The following TPRG1 variants were observed in gnomAD, a reference collection of about 807,000 sequenced individuals.
TPRG1 encodes the protein tumor protein p63 regulated 1.
In TPRG1, 29 loss-of-function variants were observed where a neutral mutation model predicts 29.3. The observed-to-expected ratio is 0.99, with a 90% confidence interval of 0.74 to 1.35. TPRG1 has a LOEUF of 1.35. Among genes scored for constraint, TPRG1 ranks in the 40% most tolerant of loss-of-function variants. The probability of loss-of-function intolerance (pLI) is 0.00; values close to 1 mark genes in which losing one functional copy is unlikely to be tolerated. For missense variants in TPRG1, 327 were observed against 335.0 expected (o/e 0.98, Z 0.19); for synonymous variants, 130 against 116.8 (o/e 1.11, Z -0.73).
In TPRG1 at chr3:189,070,778, A is replaced by G. The variant is rs556963430; in HGVS notation, c.-463+46832A>G. Among the ~76,000 whole-genome samples the G allele has an allele frequency of 8.7e-4, 132 of 152,106 alleles. No individual in the cohort carries two copies. The Middle Eastern group carries it at 0.024, about 27-fold the overall frequency. ...GAAAAGGAGATATTCCAACCAATCT[A>G]AAGTTAGTAGGAGCAAAGGCAATTA... On this transcript the variant is annotated intron_variant, in intron 4 of 10. Transcript: ENST00000433971.
At chr3:189,217,502 G>A (rs1041388285) in intron 3 of TPRG1, among the ~76,000 whole-genome samples, 5 of 151,976 alleles carry the variant, frequency 3.3e-5, no homozygotes, top group South Asian at 4.2e-4. Context: ...CCTTTAAATC[G>A]TAGTTCCTTG....
At chr3:189,234,529 G>A (rs1415966251) in intron 3 of TPRG1, among the ~76,000 whole-genome samples, 4 of 152,100 alleles carry the variant, frequency 2.6e-5, no homozygotes, top group East Asian at 3.8e-4. Flanking sequence ...GAACATTTCC[G>A]CAATGTTACT....
At chr3:189,184,577 TAAG>T (rs1301753588) in intron 1 of TPRG1, among the ~76,000 whole-genome samples, 15 of 152,208 alleles carry the variant, frequency 9.9e-5, no homozygotes, top group African/African-American at 3.6e-4. Flanking sequence ...TACAACATAA[TAAG>T]AAAAATTAAA....
chr3:189,052,347 A>G (rs1715376360), intron 4 of TPRG1, among the ~76,000 whole-genome samples: 1 of 152,240 alleles, frequency 6.6e-6, no homozygotes, highest in African/African-American at 2.4e-5. Flanking sequence ...AAAATGCTCA[A>G]CATCACTGAT....
At chr3:189,192,804 G>A (rs928112972) in intron 1 of TPRG1, among the ~76,000 whole-genome samples, 2 of 152,016 alleles carry the variant, frequency 1.3e-5, no homozygotes, top group Non-Finnish European at 2.9e-5. Flanking sequence ...TTTCTTGATA[G>A]TGAATATTAA....
chr3:189,311,052 A>G (rs986016817), intron 5 of TPRG1, among the ~76,000 whole-genome samples: 2 of 152,182 alleles, frequency 1.3e-5, no homozygotes, highest in African/African-American at 4.8e-5. Flanking sequence ...CATGAAGTGT[A>G]AAGCTATTCA....
At chr3:189,046,178 A>G (rs1418096076) in intron 4 of TPRG1, among the ~76,000 whole-genome samples, 4 of 152,230 alleles carry the variant, frequency 2.6e-5, no homozygotes, top group Non-Finnish European at 4.4e-5. Flanking sequence ...GTTTGGGCCA[A>G]TGGTTCTTCC....
At chr3:189,197,029 C>T (rs1009485063) in intron 1 of TPRG1, among the ~76,000 whole-genome samples, 2 of 152,188 alleles carry the variant, frequency 1.3e-5, no homozygotes, top group African/African-American at 2.4e-5. Flanking sequence ...TCACTGCTGC[C>T]TGGCACCAGG....
intron 4 of TPRG1, among the ~76,000 whole-genome samples, chr3:189,262,921 C>A (rs1480234084): frequency 6.6e-6 from 1 of 152,218 alleles, no homozygotes; most frequent in Non-Finnish European, 1.5e-5. Context: ...TGGGCCTTTC[C>A]GTGAGGCTGC....
rs1724324532 is a variant in TPRG1 at position 189,321,610 on chromosome 3, C to G, written c.*790C>G. ...GATCAGGTTTTTAATTCTGCTCAACCAATTATTACCACAGCCTGTTAAATG... is the reference window on the plus strand; with the variant it reads ...GATCAGGTTTTTAATTCTGCTCAACGAATTATTACCACAGCCTGTTAAATG... On this transcript the variant is annotated 3_prime_UTR_variant, in exon 6 of 6. Transcript: ENST00000345063. 6.6e-6 allele frequency: 1 copy of G among 152,026 alleles called. No homozygotes were observed. The highest frequency in any genetic ancestry group is 1.5e-5 in the Non-Finnish European group (1 of 67,986). The allele number at this position is 152,026 out of a possible 1,614,324, so 9.4% of individuals were successfully genotyped here.
rs191963073 is a variant in TPRG1 at position 189,187,157 on chromosome 3, T to C, written c.-10+15026T>C. 2.6e-4 allele frequency among the ~76,000 whole-genome samples: 39 copies of C among 152,102 alleles called. No homozygotes were observed. The East Asian group carries it at 7.2e-3, about 28-fold the overall frequency. On this transcript the variant is annotated intron_variant, in intron 1 of 5. Transcript: ENST00000345063. ...TCGCACCACCACACTTGGCTAATTT[T>C]TTGTACTTTTGGTAGAGACGGGGTT...
chr3:189,278,572 G>A (rs1375964224), intron 4 of TPRG1, among the ~76,000 whole-genome samples: 3 of 152,136 alleles, frequency 2.0e-5, no homozygotes, highest in African/African-American at 4.8e-5. Context: ...TGGCATCATG[G>A]AGGAAAAAAG....
At chr3:189,024,770 A>G (rs1158858366) in intron 4 of TPRG1, among the ~76,000 whole-genome samples, 4 of 152,270 alleles carry the variant, frequency 2.6e-5, no homozygotes, top group Non-Finnish European at 5.9e-5. Flanking sequence ...AGTAATGAGG[A>G]ATGGATAAAG....
At chr3:189,009,957 T>A (rs1335662087) in intron 3 of TPRG1, among the ~76,000 whole-genome samples, 1 of 151,950 alleles carries the variant, frequency 6.6e-6, no homozygotes, top group East Asian at 1.9e-4. Context: ...CCCCTTGCCC[T>A]CCCACAGGCC....
intron 5 of TPRG1, among the ~76,000 whole-genome samples, chr3:189,155,026 G>A (rs1726478107): frequency 6.6e-6 from 1 of 152,172 alleles, no homozygotes; most frequent in East Asian, 1.9e-4. Flanking sequence ...GTCCTAGGCA[G>A]AGCGAACAGC....
At chr3:189,100,995 C>A (rs571870152) in intron 1 of TPRG1, among the ~76,000 whole-genome samples, 174 of 152,332 alleles carry the variant, frequency 1.1e-3, no homozygotes, top group African/African-American at 4.1e-3. Context: ...TCCAAAGTTT[C>A]TTTTGGAAAT....
At chr3:189,308,429 A>G (rs1218127497) in intron 4 of TPRG1, among the ~76,000 whole-genome samples, 1 of 152,200 alleles carries the variant, frequency 6.6e-6, no homozygotes, top group Non-Finnish European at 1.5e-5. Context: ...AGAGAAGATG[A>G]TCGTCTTTCA....
intron 1 of TPRG1, among the ~76,000 whole-genome samples, chr3:189,190,454 A>G (rs1209263130): frequency 6.6e-6 from 1 of 152,154 alleles, no homozygotes; most frequent in Non-Finnish European, 1.5e-5. Context: ...CATCTTGCCA[A>G]TAATGTTAAC....
intron 4 of TPRG1, among the ~76,000 whole-genome samples, chr3:189,052,629 A>T (rs1249012250): frequency 6.6e-6 from 1 of 152,224 alleles, no homozygotes; most frequent in Non-Finnish European, 1.5e-5. Flanking sequence ...TTCGAAAAAG[A>T]TACTTTCACA....
Sources: gnomAD v4.1 joint callset for allele counts (sites outside exome capture counted in the v4.1 genomes callset) on GRCh38, gnomAD v4.1.1 for gene constraint, MANE v1.5 for transcripts, NCBI Gene and HGNC (gene_info 2026-07-23, HGNC 2026-07-21) for gene names.